Variants in NDST4 observed in about 807,000 individuals in gnomAD.
NDST4 encodes N-deacetylase and N-sulfotransferase 4, also known as N-heparan sulfate sulfotransferase 4.
NDST4 carries 63 observed loss-of-function variants against 100.8 expected under a neutral mutation model. The observed-to-expected ratio is 0.62, with a 90% CI of 0.51 to 0.77. The LOEUF is 0.77. NDST4 is among the 30% of genes least tolerant of loss of function. The pLI is 0.00. For missense variants in NDST4, 943 were observed against 1,018.4 expected, an observed-to-expected ratio of 0.93 and a Z score of 1.01; for synonymous variants, 377 against 361.8, an observed-to-expected ratio of 1.04 and a Z score of -0.48.
chr4:114,879,570 C>T (rs1180717184), intron 6 of NDST4, among the ~76,000 whole-genome samples: 1 of 152,144 alleles, frequency 6.6e-6, no homozygotes, highest in Non-Finnish European at 1.5e-5. Context: ...TTCCCTCAGT[C>T]TCACATTACA....
intron 2 of NDST4, among the ~76,000 whole-genome samples, chr4:114,999,312 T>C (rs1727232299): frequency 6.6e-6 from 1 of 152,050 alleles, no homozygotes; most frequent in African/African-American, 2.4e-5. Context: ...CCTGGTCCGC[T>C]GTGTACTAGT....
chr4:115,111,780 T>C (rs1729957651), intron 1 of NDST4, among the ~76,000 whole-genome samples: 1 of 151,790 alleles, frequency 6.6e-6, no homozygotes, highest in South Asian at 2.1e-4. Flanking sequence ...GCCATTCAGA[T>C]AGAGTTAAAA....
intron 6 of NDST4, among the ~76,000 whole-genome samples, chr4:114,918,149 A>T (rs911961892): frequency 1.3e-5 from 2 of 152,012 alleles, no homozygotes; most frequent in Admixed American, 6.6e-5. Flanking sequence ...GTAAAATAAA[A>T]TTTTTCTTTA....
intron 2 of NDST4, among the ~76,000 whole-genome samples, chr4:115,005,449 C>T (rs1275164473): frequency 2.6e-5 from 4 of 152,020 alleles, no homozygotes; most frequent in Non-Finnish European, 5.9e-5. Context: ...GCAGAAGTGG[C>T]AAGCAACACC....
chr4:114,915,351 A>G (rs919487206), intron 6 of NDST4, among the ~76,000 whole-genome samples: 6 of 152,310 alleles, frequency 3.9e-5, no homozygotes, highest in Non-Finnish European at 7.3e-5. Flanking sequence ...ACAGTTCACT[A>G]TTATCCCCCC....
At chr4:114,905,998 C>T (rs1724940741) in intron 6 of NDST4, among the ~76,000 whole-genome samples, 1 of 151,984 alleles carries the variant, frequency 6.6e-6, no homozygotes, top group Non-Finnish European at 1.5e-5. Context: ...AAACAAGGAC[C>T]ACTATTGGTT....
At chr4:114,842,339 T>C (rs531017988) in intron 10 of NDST4, among the ~76,000 whole-genome samples, 1 of 152,160 alleles carries the variant, frequency 6.6e-6, no homozygotes, top group South Asian at 2.1e-4. Context: ...GTCACTTCAA[T>C]TTTTCCATCT....
intron 11 of NDST4, among the ~76,000 whole-genome samples, chr4:114,835,062 C>G (rs1196773540): frequency 1.3e-5 from 2 of 152,086 alleles, no homozygotes; most frequent in African/African-American, 2.4e-5. Context: ...TTCAAAAAAC[C>G]AGCTCTTGGA....
At chr4:114,915,402 T>C (rs943061322) in intron 6 of NDST4, among the ~76,000 whole-genome samples, 4 of 152,190 alleles carry the variant, frequency 2.6e-5, no homozygotes, top group Non-Finnish European at 5.9e-5. Flanking sequence ...ATAAGTCAAA[T>C]TAGAAGTTAA....
intron 1 of NDST4, among the ~76,000 whole-genome samples, chr4:115,096,996 C>T (rs1182116995): frequency 2.0e-5 from 3 of 152,012 alleles, no homozygotes; most frequent in South Asian, 2.1e-4. Flanking sequence ...TCCCCTCAAC[C>T]GCACAGAAAC....
intron 7 of NDST4, among the ~76,000 whole-genome samples, chr4:114,866,931 T>C (rs756396885): frequency 1.3e-5 from 2 of 152,188 alleles, no homozygotes; most frequent in African/African-American, 2.4e-5. Flanking sequence ...GAGTTACCCC[T>C]GAAATTTCAT....
At chr4:115,055,980 G>C (rs1168200393) in intron 2 of NDST4, among the ~76,000 whole-genome samples, 1 of 152,074 alleles carries the variant, frequency 6.6e-6, no homozygotes, top group Non-Finnish European at 1.5e-5. Context: ...AAAGAAACTT[G>C]TAAAATGTTC....
chr4:115,050,728 G>A (rs1728564814), intron 2 of NDST4, among the ~76,000 whole-genome samples: 2 of 152,042 alleles, frequency 1.3e-5, no homozygotes, highest in Non-Finnish European at 2.9e-5. Flanking sequence ...CAGTTTGTGA[G>A]GTCGTAAAGA....
intron 2 of NDST4, among the ~76,000 whole-genome samples, chr4:115,051,991 A>C (rs916939299): frequency 6.6e-6 from 1 of 152,132 alleles, no homozygotes; most frequent in Non-Finnish European, 1.5e-5. Context: ...AGGTAAGATG[A>C]TATATCATTG....
intron 1 of NDST4, among the ~76,000 whole-genome samples, chr4:115,112,545 T>G (rs781619137): frequency 3.3e-5 from 5 of 151,890 alleles, no homozygotes; most frequent in Non-Finnish European, 7.4e-5. Flanking sequence ...GTATGAGAAC[T>G]CACAGTATAA....
intron 4 of NDST4, among the ~76,000 whole-genome samples, chr4:114,953,080 T>C (rs1726058181): frequency 6.7e-6 from 1 of 149,316 alleles, no homozygotes; most frequent in Non-Finnish European, 1.5e-5. Context: ...CCAGAGACCA[T>C]CAGCTCTTAC....
intron 2 of NDST4, among the ~76,000 whole-genome samples, chr4:115,055,076 A>G (rs1217912132): frequency 6.6e-6 from 1 of 152,026 alleles, no homozygotes; most frequent in Non-Finnish European, 1.5e-5. Context: ...TTAGACTCTC[A>G]TAGGGGCGTG....
intron 1 of NDST4, among the ~76,000 whole-genome samples, chr4:115,083,923 G>C (rs1230919594): frequency 2.6e-5 from 4 of 152,094 alleles, no homozygotes; most frequent in African/African-American, 9.7e-5. Flanking sequence ...CGTGAGAATG[G>C]ACTAATACAC....
At chr4:115,063,761 G>T (rs1218285201) in intron 2 of NDST4, among the ~76,000 whole-genome samples, 1 of 151,784 alleles carries the variant, frequency 6.6e-6, no homozygotes, top group South Asian at 2.1e-4. Flanking sequence ...TTAACCACAA[G>T]ATTTAAGGAC....
Sources: allele counts gnomAD v4.1 joint callset (sites outside exome capture counted in the v4.1 genomes callset), GRCh38; gene constraint gnomAD v4.1.1; transcripts MANE v1.5; gene names NCBI Gene and HGNC (gene_info 2026-07-23, HGNC 2026-07-21).